Variants in HABP4 observed in about 807,000 individuals in gnomAD.
HABP4 encodes hyaluronan binding protein 4, also known as intracellular hyaluronan-binding protein 4.
Under a neutral mutation model 44.1 loss-of-function variants are expected in HABP4, and 32 were observed. That is an observed-to-expected ratio of 0.73 (90% CI 0.55 to 0.97). The LOEUF is 0.97. HABP4 is among the 50% of genes least tolerant of loss of function. The probability of loss-of-function intolerance (pLI) is 0.00; values close to 1 mark genes in which losing one functional copy is unlikely to be tolerated. For synonymous variants in HABP4, 216 were observed against 218.0 expected (o/e 0.99, Z 0.08); for missense variants, 503 against 561.9 (o/e 0.90, Z 1.06).
chr9:96,459,413 G>A (rs1227410448), intron 2 of HABP4, among the ~76,000 whole-genome samples: 4 of 152,096 alleles, frequency 2.6e-5, no homozygotes, highest in African/African-American at 7.2e-5. Context: ...GTGTTGCGTC[G>A]CTGCTTAGTG....
At chr9:96,480,064 A>G (rs2131151907) in intron 5 of HABP4, among the ~76,000 whole-genome samples, 1 of 152,058 alleles carries the variant, frequency 6.6e-6, no homozygotes, top group Middle Eastern at 3.4e-3. Flanking sequence ...AGTCCCAGCT[A>G]CTCTGGAGGC....
intron 5 of HABP4, among the ~76,000 whole-genome samples, chr9:96,474,972 C>G (rs1324717887): frequency 6.6e-6 from 1 of 152,194 alleles, no homozygotes; most frequent in East Asian, 1.9e-4. Context: ...CAATGCCCTT[C>G]CATCCTTCCA....
In HABP4 at chr9:96,450,703, G is replaced by A. The variant is rs1437923047; in HGVS notation, c.349+75G>A. On this transcript the variant is annotated intron_variant, in intron 1 of 7. Coordinates refer to ENST00000375249, the MANE Select transcript of HABP4 (RefSeq NM_014282.4). This position sits in a 1 kb window ranked among gnomAD's most constrained non-coding sequence, Gnocchi z 4.8. ...ACTGGGGTCCCGGGGGCCGGTTTCA[G>A]GAGGAGGGGCCCGGGAACAGTAGGG... 3 of 1,163,996 alleles carry A rather than the reference G, an allele frequency of 2.6e-6. No individual in the cohort carries two copies. The East Asian group carries it at 1.0e-4, about 39-fold the overall frequency. The allele number at this position is 1,163,996 out of a possible 1,614,324, so 72.1% of individuals were successfully genotyped here.
chr9:96,454,879 C>T (rs1832347633), intron 1 of HABP4, among the ~76,000 whole-genome samples: 1 of 152,130 alleles, frequency 6.6e-6, no homozygotes, highest in Non-Finnish European at 1.5e-5. Context: ...CACTGGGAGG[C>T]TAGGCGGGAG....
rs982185320 is a variant in HABP4 at position 96,450,670 on chromosome 9, G to T, written c.349+42G>T. ...GGGTTAGCGGACCACGGCTCGGCCCGCTGTGAGACTGGGGTCCCGGGGGCC... is the reference window on the plus strand; with the variant it reads ...GGGTTAGCGGACCACGGCTCGGCCCTCTGTGAGACTGGGGTCCCGGGGGCC... On this transcript the variant is annotated intron_variant, in intron 1 of 7. Coordinates refer to ENST00000375249, the MANE Select transcript of HABP4 (RefSeq NM_014282.4). The surrounding 1 kb of genome is among the most constrained non-coding windows in gnomAD (Gnocchi z 4.8). The T allele has an allele frequency of 1.1e-5, 14 of 1,233,844 alleles. No homozygotes were observed. The highest frequency in any genetic ancestry group is 9.5e-5 in the East Asian group (3 of 31,498). 76.4% of individuals were successfully genotyped at this position (1,233,844 alleles called of 1,614,324 possible).
At chr9:96,451,032 C>G (rs1314464319) in intron 1 of HABP4, among the ~76,000 whole-genome samples, 2 of 151,934 alleles carry the variant, frequency 1.3e-5, no homozygotes, top group African/African-American at 4.8e-5. Flanking sequence ...CACCCGAGAG[C>G]GCGGTGGGGA....
rs561513471 is a variant in HABP4, at chr9:96,479,872, A to T, written c.828-4590A>T. On this transcript the variant is annotated intron_variant, in intron 5 of 7. Transcript: ENST00000375249. ...GTTTTCCTGGCTTATATTCCAATTT[A>T]AAAAAAATGCTGGCCGGGTGCGGTG... Among the ~76,000 whole-genome samples the T allele has an allele frequency of 3.9e-5, 6 of 152,002 alleles. No homozygotes were observed. In the South Asian group the frequency reaches 1.0e-3, roughly 26 times the overall value.
chr9:96,478,952 T>TA (rs1832831475), intron 5 of HABP4, among the ~76,000 whole-genome samples: 1 of 152,198 alleles, frequency 6.6e-6, no homozygotes, highest in African/African-American at 2.4e-5. Flanking sequence ...TGCATTTCCC[T>TA]AATGACTAAT....
In HABP4 at chr9:96,456,738, C is replaced by T. The variant is rs1374037634; in HGVS notation, c.350-1641C>T. Reference sequence around the variant, plus strand: ...TGGCGCCGCTGTACTCCAGCCTGGGCAACAGAGCAAGACTCCATCTCAAAA... The same window carrying T: ...TGGCGCCGCTGTACTCCAGCCTGGGTAACAGAGCAAGACTCCATCTCAAAA... On this transcript the variant is annotated intron_variant, in intron 1 of 7. Coordinates refer to ENST00000375249, the MANE Select transcript of HABP4 (RefSeq NM_014282.4). Among the ~76,000 whole-genome samples the T allele has an allele frequency of 2.4e-4, 24 of 99,938 alleles. 1 individual carries two copies. Among genetic ancestry groups the T allele is most frequent in the Non-Finnish European group, 4.1e-4 (22 of 54,110 alleles). 65.6% of individuals were successfully genotyped at this position (99,938 alleles called of 152,430 possible).
Position 96,488,026 on chromosome 9 carries a change from A to C in HABP4, c.1000-63A>C. 8.6e-7 allele frequency: 1 copy of C among 1,158,678 alleles called. No individual in the cohort carries two copies. Among genetic ancestry groups the C allele is most frequent in the Non-Finnish European group, 1.3e-6 (1 of 775,766 alleles). 71.8% of individuals were successfully genotyped at this position (1,158,678 alleles called of 1,614,324 possible). ...CCTGTGTAGCACACTGCAGCCACTA[A>C]GCCAGATGAGTGTGGGGATGGCTGT... On this transcript the variant is annotated intron_variant, in intron 6 of 7. Transcript: ENST00000375249. The surrounding 1 kb of genome is among the most constrained non-coding windows in gnomAD (Gnocchi z 4.6).
Position 96,450,618 on chromosome 9 carries a change from GC to G in HABP4, c.340del (p.Gln114ArgfsTer69). ...GGCCCGATAGCCCCGGGGGCGGCCT[GC>G]AGGCGCCGGGTACGCGGGGACAGCG... ...QRPDSPGGGL[Q>X]APGQKRTPRR... is the part of the protein sequence containing the mutation. On this transcript the variant is annotated frameshift_variant, in exon 1 of 8. Coordinates refer to ENST00000375249, the MANE Select transcript of HABP4 (RefSeq NM_014282.4). LOFTEE classifies it high-confidence loss of function. The surrounding 1 kb of genome is among the most constrained non-coding windows in gnomAD (Gnocchi z 4.8). 7.9e-7 allele frequency: 1 copy of G among 1,266,068 alleles called. No homozygotes were observed. The highest frequency in any genetic ancestry group is 2.8e-5 in the South Asian group (1 of 35,662). 78.4% of individuals were successfully genotyped at this position (1,266,068 alleles called of 1,614,324 possible).
intron 5 of HABP4, among the ~76,000 whole-genome samples, chr9:96,481,245 C>T (rs900615176): frequency 2.0e-5 from 3 of 152,100 alleles, no homozygotes; most frequent in Non-Finnish European, 4.4e-5. Context: ...AGGCGTGTGC[C>T]ACCACACCCA....
At chr9:96,460,693 G>T (rs908659990) in intron 2 of HABP4, among the ~76,000 whole-genome samples, 1 of 152,244 alleles carries the variant, frequency 6.6e-6, no homozygotes, top group Non-Finnish European at 1.5e-5. Context: ...GTATGAGCCA[G>T]TTATTTTATA....
intron 1 of HABP4, among the ~76,000 whole-genome samples, chr9:96,454,102 A>C (rs1355011793): frequency 6.6e-6 from 1 of 152,222 alleles, no homozygotes; most frequent in Non-Finnish European, 1.5e-5. Context: ...TATGGTGTAC[A>C]GTAAATGTCC....
rs1310614407 is a variant in HABP4 at position 96,465,760 on chromosome 9, G to T, written c.725G>T (p.Gly242Val). The T allele has an allele frequency of 6.3e-7, 1 of 1,587,810 alleles. No homozygotes were observed. The highest frequency in any genetic ancestry group is 8.6e-7 in the Non-Finnish European group (1 of 1,156,222). ...GGTGGATGTGGAGTTCGAACCTGGG[G>T]ATCGGGTAAAGATACCAGGTACGGT... ...NMGGCGVRTW[G>V]SGKDTSDVEP... is the part of the protein sequence containing the mutation. Residue 242 changes from glycine to valine, a missense_variant, in exon 4 of 8, where the codon GGA becomes GTA. Around this residue, in one of 3 missense-constraint regions of HABP4, gnomAD observed 131 missense variants for 189.8 expected, o/e 0.69. Coordinates refer to ENST00000375249, the MANE Select transcript of HABP4 (RefSeq NM_014282.4).
intron 4 of HABP4, among the ~76,000 whole-genome samples, chr9:96,467,981 G>A (rs371319290): frequency 6.6e-6 from 1 of 152,234 alleles, no homozygotes; most frequent in East Asian, 1.9e-4. Context: ...GTGACCACTT[G>A]TGGCCCTGGC....
chr9:96,487,672 CAG>C (rs1413329285), intron 6 of HABP4, among the ~76,000 whole-genome samples: 4 of 149,794 alleles, frequency 2.7e-5, no homozygotes, highest in African/African-American at 1.0e-4. Context: ...ACAGATAAGA[CAG>C]AAAATAAGCA....
At chr9:96,462,679 A>G (rs1832524773) in intron 2 of HABP4, among the ~76,000 whole-genome samples, 2 of 151,820 alleles carry the variant, frequency 1.3e-5, no homozygotes, top group Non-Finnish European at 2.9e-5. Context: ...TAGTCCTAGC[A>G]CTTTGGGAGG....
intron 5 of HABP4, among the ~76,000 whole-genome samples, chr9:96,480,724 CT>C (rs1832862231): frequency 6.6e-6 from 1 of 152,112 alleles, no homozygotes; most frequent in African/African-American, 2.4e-5. Context: ...ATTTTTTCTT[CT>C]GATATAAAAT....
Sources: gnomAD v4.1 joint callset for allele counts (sites outside exome capture counted in the v4.1 genomes callset) on GRCh38, gnomAD v4.1.1 for gene constraint, gnomAD v4.1.1 regional missense constraint, Gnocchi (gnomAD v3.1) non-coding constraint, MANE v1.5 for transcripts, NCBI Gene and HGNC (gene_info 2026-07-23, HGNC 2026-07-21) for gene names.